Variants in CPS1 observed in about 807,000 individuals in gnomAD.
CPS1 encodes the protein carbamoyl-phosphate synthase [ammonia], mitochondrial.
A neutral mutation model predicts 174.6 loss-of-function variants in CPS1; 109 were observed. The observed-to-expected ratio is 0.62, with a 90% confidence interval of 0.53 to 0.73. The LOEUF (loss-of-function observed/expected upper bound fraction) is 0.73, where lower values mean the gene tolerates loss of function less well. Ranked by LOEUF, CPS1 falls within the 30% of genes least tolerant of loss-of-function variation. The pLI is 0.00. For synonymous variants in CPS1, 637 were observed against 632.0 expected (o/e 1.01, Z -0.12); for missense variants, 1,689 against 1,821.9 (o/e 0.93, Z 1.33).
chr2:210,662,652 A>T (rs1193920944), intron 32 of CPS1, among the ~76,000 whole-genome samples: 1 of 152,228 alleles, frequency 6.6e-6, no homozygotes, highest in East Asian at 1.9e-4. Context: ...CAACAGTTTA[A>T]TGCCTCAGAA....
chr2:210,582,737 G>A (rs1329700189), intron 6 of CPS1, 28 bp downstream of exon 6: 47 of 1,529,126 alleles, frequency 3.1e-5, no homozygotes, highest in Non-Finnish European at 4.3e-5. Flanking sequence ...ATATTTTGTA[G>A]TTTTATTTGA....
At chr2:210,554,248 T>TAC (rs1239160877), upstream of CPS1, among the ~76,000 whole-genome samples, 6 of 147,994 alleles carry the variant, frequency 4.1e-5, no homozygotes, top group South Asian at 6.3e-4. Context: ...TGTATATATA[T>TAC]ACACACACAT....
chr2:210,480,493 G>A (rs1694536878), intron 1 of CPS1, among the ~76,000 whole-genome samples: 1 of 152,152 alleles, frequency 6.6e-6, no homozygotes, highest in African/African-American at 2.4e-5. Flanking sequence ...TAGTGTCTGT[G>A]GTGTTCCTTT....
At chr2:210,650,264 C>T (rs1700517098) in intron 27 of CPS1, 99 bp from the exon 28 acceptor site, 1 of 965,972 alleles carries the variant, frequency 1.0e-6, no homozygotes, top group Middle Eastern at 2.1e-4. Flanking sequence ...CTTATTCAGC[C>T]CCGACTGGAA....
At chr2:210,557,162 A>G (rs868325882) in intron 1 of CPS1, among the ~76,000 whole-genome samples, 37 of 152,052 alleles carry the variant, frequency 2.4e-4, no homozygotes, top group African/African-American at 8.7e-4. Context: ...TTCTGTGACT[A>G]GATACTATTG....
Position 210,612,273 on chromosome 2 carries a change from C to T in CPS1, c.2548C>T (p.Arg850Cys), listed in dbSNP as rs1015051007. The T allele has an allele frequency of 1.3e-5, 21 of 1,611,680 alleles. No individual in the cohort carries two copies. Among genetic ancestry groups the T allele is most frequent in the East Asian group, 4.5e-5 (2 of 44,756 alleles). ...AGAGTTGTCTGAACCAAGCAGCACG[C>T]GTATCTATGCCATTGCCAAGGTAAG... Reference protein sequence around the residue: ...RKELSEPSSTRIYAIAKAIDD... With the variant: ...RKELSEPSSTCIYAIAKAIDD... Residue 850 changes from arginine (R) to cysteine (C), a missense_variant, in exon 20 of 38, where the codon CGT (arginine) becomes TGT (cysteine). Coordinates refer to ENST00000233072, the MANE Select transcript of CPS1 (RefSeq NM_001875.5).
At chr2:210,617,553 T>C (rs1699352647) in intron 21 of CPS1, 1 of 152,070 alleles carries the variant, frequency 6.6e-6, no homozygotes, top group African/African-American at 2.4e-5. Context: ...GCCTGATCAA[T>C]ATGTGTACAA....
At chr2:210,558,647 C>A (rs1042375172) in intron 1 of CPS1, among the ~76,000 whole-genome samples, 3 of 151,970 alleles carry the variant, frequency 2.0e-5, no homozygotes, top group Non-Finnish European at 2.9e-5. Flanking sequence ...CTTCATCAGA[C>A]CCCAGAAACC....
intron 1 of CPS1, among the ~76,000 whole-genome samples, chr2:210,548,463 A>C (rs962133360): frequency 2.6e-5 from 4 of 152,076 alleles, no homozygotes; most frequent in Admixed American, 1.3e-4. Flanking sequence ...ACTGAGAATG[A>C]TCTTGATAGG....
Position 210,563,626 on chromosome 2 carries a change from A to G in CPS1, c.126+6767A>G, listed in dbSNP as rs192804419. On this transcript the variant is annotated intron_variant, in intron 1 of 37. Coordinates refer to ENST00000233072, the MANE Select transcript of CPS1 (RefSeq NM_001875.5). ...TTCGAAGTAAAGGATCGATGTCCTTAGAATTAGTTCAGAATGCTGATGGGT... is the reference window on the plus strand; with the variant it reads ...TTCGAAGTAAAGGATCGATGTCCTTGGAATTAGTTCAGAATGCTGATGGGT... 8.5e-3 allele frequency among the ~76,000 whole-genome samples: 1,290 copies of G among 152,320 alleles called. 18 individuals are homozygous for G. Among genetic ancestry groups the G allele is most frequent in the Non-Finnish European group, 0.011 (733 of 68,016 alleles).
intron 8 of CPS1, among the ~76,000 whole-genome samples, chr2:210,590,498 A>G (rs1341705961): frequency 2.0e-5 from 3 of 151,916 alleles, no homozygotes; most frequent in Admixed American, 6.6e-5. Context: ...GGCCAAATGT[A>G]TTTTGCTTTA....
chr2:210,567,963 G>A (rs971072607), intron 1 of CPS1, among the ~76,000 whole-genome samples: 2 of 152,130 alleles, frequency 1.3e-5, no homozygotes, highest in Admixed American at 6.6e-5. Context: ...ACATAATGAA[G>A]TACATTTCTA....
At chr2:210,612,088 C>G in intron 19 of CPS1, 29 bp from the exon 20 acceptor site, 1 of 1,600,682 alleles carries the variant, frequency 6.2e-7, no homozygotes, top group Non-Finnish European at 8.5e-7. Flanking sequence ...CTCTTTCTTT[C>G]AATATGAGGT....
chr2:210,558,875 T>C (rs1697009074), intron 1 of CPS1, among the ~76,000 whole-genome samples: 1 of 151,940 alleles, frequency 6.6e-6, no homozygotes, highest in Non-Finnish European at 1.5e-5. Context: ...AATGACAAAT[T>C]TGTAGGAGCA....
At chr2:210,592,846 GA>G in intron 10 of CPS1, 32 bp from the exon 11 acceptor site, 2 of 1,560,584 alleles carry the variant, frequency 1.3e-6, no homozygotes, top group Non-Finnish European at 1.8e-6. Context: ...CATTGTTACA[GA>G]AGGAATTTCT....
chr2:210,539,923 T>G (rs192215713), intron 1 of CPS1, among the ~76,000 whole-genome samples: 1 of 152,306 alleles, frequency 6.6e-6, no homozygotes, highest in African/African-American at 2.4e-5. Flanking sequence ...GTCTCAGGAA[T>G]AGGTATCTGC....
At chr2:210,520,413 G>GT (rs2105987053) in intron 1 of CPS1, among the ~76,000 whole-genome samples, 1 of 152,006 alleles carries the variant, frequency 6.6e-6, no homozygotes, top group Non-Finnish European at 1.5e-5. Context: ...CGCCATCTAG[G>GT]TTTTAAGCCC....
chr2:210,518,812 G>A (rs1194863743), intron 1 of CPS1, among the ~76,000 whole-genome samples: 2 of 151,900 alleles, frequency 1.3e-5, no homozygotes, highest in African/African-American at 4.8e-5. Context: ...CTAAATTCCC[G>A]ACCAACATTT....
intron 1 of CPS1, among the ~76,000 whole-genome samples, chr2:210,510,763 A>G (rs1222104732): frequency 1.3e-5 from 2 of 152,124 alleles, no homozygotes; most frequent in Non-Finnish European, 2.9e-5. Context: ...TTATGCAGCC[A>G]AAAGACACAT....
Sources: allele counts gnomAD v4.1 joint callset (sites outside exome capture counted in the v4.1 genomes callset), GRCh38; gene constraint gnomAD v4.1.1; transcripts MANE v1.5; gene names NCBI Gene and HGNC (gene_info 2026-07-23, HGNC 2026-07-21).